The following DOCK8 variants were observed in gnomAD, a reference collection of about 807,000 sequenced individuals.
The protein encoded by DOCK8 is dedicator of cytokinesis 8, also known as dedicator of cytokinesis protein 8.
A neutral mutation model predicts 245.6 loss-of-function variants in DOCK8; 141 were observed. That is an observed-to-expected ratio of 0.57 (90% confidence interval 0.50 to 0.66). The LOEUF (loss-of-function observed/expected upper bound fraction) is 0.66, where lower values mean the gene tolerates loss of function less well. DOCK8 is among the 30% of genes least tolerant of loss of function. The pLI, the probability that DOCK8 is intolerant of heterozygous loss-of-function variation, is 0.00. For synonymous variants in DOCK8, 1,168 were observed against 970.2 expected (o/e 1.20, Z -3.79); for missense variants, 2,965 against 2,603.4 (o/e 1.14, Z -3.02).
intron 6 of DOCK8, among the ~76,000 whole-genome samples, chr9:316,023 C>T (rs1226968465): frequency 2.0e-5 from 3 of 152,174 alleles, no homozygotes; most frequent in Non-Finnish European, 2.9e-5. Context: ...GGCCAACCGC[C>T]GTAACCACAA....
Position 396,891 on chromosome 9 carries a change from T to C in DOCK8, c.3077T>C (p.Val1026Ala). The C allele has an allele frequency of 1.9e-6, 3 of 1,614,182 alleles. 1 individual carries two copies. Among genetic ancestry groups the C allele is most frequent in the Non-Finnish European group, 8.5e-7 (1 of 1,180,030 alleles). The change falls in exon 25 of 48, where the codon GTG becomes GCG. Residue 1026 changes from valine (V) to alanine (A), a missense_variant. Transcript: ENST00000432829. Reference sequence around the variant, plus strand: ...GATGACATAACTACTATTGTTAATGTGGTCACCTCGGAAATTGCAGCCCTT... The same window carrying C: ...GATGACATAACTACTATTGTTAATGCGGTCACCTCGGAAATTGCAGCCCTT... ...FMDDITTIVNVVTSEIAALLV... is the reference protein window; with the variant it reads ...FMDDITTIVNAVTSEIAALLV...
rs145843717 is a variant in DOCK8 at position 295,421 on chromosome 9, C to A, written c.404+5840C>A. Among the ~76,000 whole-genome samples, 37 of 152,196 alleles carry A rather than the reference C, an allele frequency of 2.4e-4. 1 individual carries two copies. The East Asian group carries it at 6.6e-3, about 27-fold the overall frequency. On this transcript the variant is annotated intron_variant, in intron 4 of 47. Transcript: ENST00000432829. ...ATTCCAGTTATCCCAATATTCCCTC[C>A]AAGTGAAATACTTTGGTAGCATATA...
chr9:221,554 G>A (rs971560522), intron 1 of DOCK8, among the ~76,000 whole-genome samples: 9 of 151,962 alleles, frequency 5.9e-5, no homozygotes, highest in Admixed American at 4.6e-4. Flanking sequence ...GCTCATGCCT[G>A]TAATCCCAGC....
intron 1 of DOCK8, among the ~76,000 whole-genome samples, chr9:220,252 C>T (rs1447465425): frequency 2.6e-5 from 4 of 152,182 alleles, no homozygotes; most frequent in African/African-American, 9.7e-5. Context: ...GTGCTTTAGG[C>T]ATCTAGTGCT....
At chr9:440,729 G>C (rs774452868) in intron 40 of DOCK8, among the ~76,000 whole-genome samples, 1 of 151,910 alleles carries the variant, frequency 6.6e-6, no homozygotes, top group African/African-American at 2.4e-5. Context: ...TTTTCTTTTC[G>C]TTTTGTTTTG....
chr9:312,050 C>G lies in DOCK8; in HGVS notation c.625C>G (p.Arg209Gly). The G allele has an allele frequency of 1.2e-6, 2 of 1,614,172 alleles. No homozygotes were observed. Among genetic ancestry groups the G allele is most frequent in the South Asian group, 1.1e-5 (1 of 91,076 alleles). The change falls in exon 6 of 48, where the codon CGG becomes GGG. Residue 209 changes from arginine (R) to glycine (G), a missense_variant. Around this residue, in one of 3 missense-constraint regions of DOCK8, gnomAD observed 2,825 missense variants for 2,453.5 expected, o/e 1.15. Coordinates refer to ENST00000432829, the MANE Select transcript of DOCK8 (RefSeq NM_203447.4). Reference protein sequence around the residue: ...FDLRSLQPDKRLENLLQQVSA... With the variant: ...FDLRSLQPDKGLENLLQQVSA... ...CCTCCGCAGCCTGCAGCCTGACAAG[C>G]GGCTAGAAAACCTCCTGCAGCAAGT...
rs2056491059 is a variant in DOCK8 at position 426,123 on chromosome 9, A to G, written c.4242-762A>G. 2.6e-5 allele frequency among the ~76,000 whole-genome samples: 4 copies of G among 152,184 alleles called. No individual in the cohort carries two copies. In the South Asian group the frequency reaches 8.3e-4, roughly 31 times the overall value. ...CTAGATTTGGATGATGATACAAAATATCCCTTTACAGCTTCACTTAGATTT... is the reference window on the plus strand; with the variant it reads ...CTAGATTTGGATGATGATACAAAATGTCCCTTTACAGCTTCACTTAGATTT... On this transcript the variant is annotated intron_variant, in intron 33 of 47. Coordinates refer to ENST00000432829, the MANE Select transcript of DOCK8 (RefSeq NM_203447.4).
intron 1 of DOCK8, among the ~76,000 whole-genome samples, chr9:242,398 A>C (rs2047395428): frequency 6.6e-6 from 1 of 152,334 alleles, no homozygotes; most frequent in East Asian, 1.9e-4. Context: ...AGGAGAGGAC[A>C]AATGTAAACT....
At chr9:433,813 A>C in intron 37 of DOCK8, 62 bp from the exon 38 acceptor site, 1 of 1,373,590 alleles carries the variant, frequency 7.3e-7, no homozygotes. Flanking sequence ...TTTCAATGTA[A>C]TCCTAACTCT....
At chr9:229,480 C>T (rs918126852) in intron 1 of DOCK8, among the ~76,000 whole-genome samples, 1 of 152,114 alleles carries the variant, frequency 6.6e-6, no homozygotes, top group South Asian at 2.1e-4. Flanking sequence ...CTGATGGACT[C>T]CAGATTGCAG....
At chr9:451,912 C>T (rs62531948) in intron 45 of DOCK8, 99 bp from the exon 46 acceptor site, 5 of 285,472 alleles carry the variant, frequency 1.8e-5, no homozygotes, top group African/African-American at 2.8e-5. Flanking sequence ...TATACATATG[C>T]ATATACATAT....
At chr9:281,919 C>T (rs572777634) in intron 2 of DOCK8, among the ~76,000 whole-genome samples, 1 of 152,270 alleles carries the variant, frequency 6.6e-6, no homozygotes, top group African/African-American at 2.4e-5. Flanking sequence ...TATTCAATGT[C>T]AGCTTGGGTG....
rs530272911 is a variant in DOCK8 at position 305,375 on chromosome 9, C to T, written c.528+671C>T. Reference sequence around the variant, plus strand: ...TTGGCTCACTGCAAGCTCCGCCTCCCGGGTTCACGCCATTCTGCTGCCTCA... The same window carrying T: ...TTGGCTCACTGCAAGCTCCGCCTCCTGGGTTCACGCCATTCTGCTGCCTCA... On this transcript the variant is annotated intron_variant, in intron 5 of 47. Coordinates refer to ENST00000432829, the MANE Select transcript of DOCK8 (RefSeq NM_203447.4). Among the ~76,000 whole-genome samples, 11 of 151,966 alleles carry T rather than the reference C, an allele frequency of 7.2e-5. No homozygotes were observed. In the East Asian group the frequency reaches 1.2e-3, roughly 16 times the overall value.
At chr9:365,913 C>T in intron 14 of DOCK8, 1 of 295,726 alleles carries the variant, frequency 3.4e-6, no homozygotes, top group Non-Finnish European at 6.7e-6. Context: ...TATCCACGTC[C>T]ACTCCTGACA....
intron 14 of DOCK8, among the ~76,000 whole-genome samples, chr9:341,884 A>G (rs1397585332): frequency 6.6e-6 from 1 of 152,076 alleles, no homozygotes; most frequent in African/African-American, 2.4e-5. Context: ...TTAGATTCTC[A>G]TGGGAGCATG....
rs2131641372 is a variant in DOCK8, at chr9:420,944, T to C, written c.4024-5T>C. The stretch of plus-strand genomic sequence containing the variant: ...GACATGTCCTCCTACCTCTGTCTTG[T>C]CCAGGGAAAACAGAGTTCTGACAAA... On this transcript the variant is annotated splice_region_variant and splice_polypyrimidine_tract_variant and intron_variant, in intron 31 of 47. Coordinates refer to ENST00000432829, the MANE Select transcript of DOCK8 (RefSeq NM_203447.4). 2 of 1,614,204 alleles carry C rather than the reference T, an allele frequency of 1.2e-6. No homozygotes were observed. Among genetic ancestry groups the C allele is most frequent in the Non-Finnish European group, 1.7e-6 (2 of 1,180,034 alleles).
At chr9:250,485 G>T (rs2047619454) in intron 1 of DOCK8, among the ~76,000 whole-genome samples, 1 of 152,060 alleles carries the variant, frequency 6.6e-6, no homozygotes, top group Non-Finnish European at 1.5e-5. Context: ...ATCAAAACAA[G>T]ACCCTCTGAT....
chr9:395,812 G>T lies in DOCK8; in HGVS notation c.2971-973G>T, dbSNP rs1230181994. On this transcript the variant is annotated intron_variant, in intron 24 of 47. Coordinates refer to ENST00000432829, the MANE Select transcript of DOCK8 (RefSeq NM_203447.4). Reference sequence around the variant, plus strand: ...TAAAATTGTGGTAGGCATTGAGATAGTATTATTCTAGTCATAATGCAGACA... The same window carrying T: ...TAAAATTGTGGTAGGCATTGAGATATTATTATTCTAGTCATAATGCAGACA... 7.2e-5 allele frequency among the ~76,000 whole-genome samples: 11 copies of T among 152,178 alleles called. No homozygotes were observed. The East Asian group carries it at 1.9e-3, about 27-fold the overall frequency.
chr9:325,642 A>ACAT (rs1312337922), intron 7 of DOCK8, 29 bp from the exon 8 acceptor site: 12 of 1,598,472 alleles, frequency 7.5e-6, no homozygotes, highest in Non-Finnish European at 1.0e-5. Flanking sequence ...ACTCAAAGCC[A>ACAT]CATAGATTTT....
Sources: gnomAD v4.1 joint callset for allele counts (sites outside exome capture counted in the v4.1 genomes callset) on GRCh38, gnomAD v4.1.1 for gene constraint, gnomAD v4.1.1 regional missense constraint, MANE v1.5 for transcripts, NCBI Gene and HGNC (gene_info 2026-07-23, HGNC 2026-07-21) for gene names.